The following GPC6 variants were observed in gnomAD, a reference collection of about 807,000 sequenced individuals.
The protein encoded by GPC6 is glypican 6, also known as glypican-6.
In GPC6, 14 loss-of-function variants were observed where a neutral mutation model predicts 55.2. The observed-to-expected ratio is 0.25, with a 90% CI of 0.17 to 0.40. The LOEUF (loss-of-function observed/expected upper bound fraction) is 0.40, where lower values mean the gene tolerates loss of function less well. GPC6 is among the 10% of genes least tolerant of loss of function. The pLI is 1.00. For synonymous variants in GPC6, 278 were observed against 259.6 expected (o/e 1.07, Z -0.68); for missense variants, 641 against 708.5 (o/e 0.90, Z 1.08).
At chr13:94,187,967 A>G (rs1274818900) in intron 4 of GPC6, 1 of 152,136 alleles carries the variant, frequency 6.6e-6, no homozygotes, top group African/African-American at 2.4e-5. Context: ...ATCTCTGCTG[A>G]GCTAAGTAAT....
chr13:93,349,263 T>C (rs1342651924), intron 1 of GPC6, among the ~76,000 whole-genome samples: 1 of 151,858 alleles, frequency 6.6e-6, no homozygotes, highest in Non-Finnish European at 1.5e-5. Flanking sequence ...ATGTTAGCTT[T>C]TTTTTCCCTG....
At chr13:93,455,865 CG>C (rs765093472) in intron 1 of GPC6, among the ~76,000 whole-genome samples, 1 of 152,170 alleles carries the variant, frequency 6.6e-6, no homozygotes. Flanking sequence ...AAGCATCTAC[CG>C]CTTTTCTAAG....
chr13:93,882,328 G>T (rs1239435091), intron 3 of GPC6, among the ~76,000 whole-genome samples: 2 of 151,684 alleles, frequency 1.3e-5, no homozygotes, highest in East Asian at 1.9e-4. Context: ...TGAATTTTGT[G>T]TAGAGACAGG....
At position 94,041,627 on chromosome 13, in the gene GPC6, G is replaced by A. The variant is rs115153445; in HGVS notation, c.877+13733G>A. Among the ~76,000 whole-genome samples, 335 of 151,788 alleles carry A rather than the reference G, an allele frequency of 2.2e-3. 1 individual carries two copies. Among genetic ancestry groups the A allele is most frequent in the Middle Eastern group, 0.01 (3 of 292 alleles). The stretch of plus-strand genomic sequence containing the variant: ...TGAACATACACAATCTTTTCTGGAC[G>A]ATCACTTAAAATGAAACTTTTAGCC... On this transcript the variant is annotated intron_variant, in intron 4 of 8. Transcript: ENST00000377047.
At chr13:93,242,065 T>A (rs190841787) in intron 1 of GPC6, among the ~76,000 whole-genome samples, 5 of 152,332 alleles carry the variant, frequency 3.3e-5, no homozygotes, top group Admixed American at 2.0e-4. Flanking sequence ...ATTTTATTCC[T>A]CTTGATGTGT....
chr13:93,509,740 A>G (rs569064264), intron 1 of GPC6, among the ~76,000 whole-genome samples: 1 of 152,376 alleles, frequency 6.6e-6, no homozygotes, highest in Admixed American at 6.5e-5. Flanking sequence ...CAGCAAAAGT[A>G]GTAAAAGACA....
Position 94,403,293 on chromosome 13 carries a change from G to T in GPC6, c.*76G>T, listed in dbSNP as rs1283554161. 9.7e-7 allele frequency: 1 copy of T among 1,033,452 alleles called. No homozygotes were observed. Among genetic ancestry groups the T allele is most frequent in the African/African-American group, 1.6e-5 (1 of 63,956 alleles). 64.0% of individuals were successfully genotyped at this position (1,033,452 alleles called of 1,614,324 possible). A position where few individuals can be genotyped will look rare whatever the true frequency, so the allele number is the denominator to read the frequency against. ...ACTCACTTCTTTTCTTACACTCTTG[G>T]ACAATGGACCATGCCACAAAAACTT... On this transcript the variant is annotated 3_prime_UTR_variant, in exon 9 of 9. Transcript: ENST00000377047.
chr13:93,969,472 G>A lies in GPC6; in HGVS notation c.712-58257G>A, dbSNP rs558215244. On this transcript the variant is annotated intron_variant, in intron 3 of 8. Coordinates refer to ENST00000377047, the MANE Select transcript of GPC6 (RefSeq NM_005708.5). ...GAGAAAATGCATCCAGTTCCTTGGC[G>A]ATATCACTGAGCTGCAAACCCAAGC... 3.7e-4 allele frequency among the ~76,000 whole-genome samples: 56 copies of A among 152,176 alleles called. 1 individual carries two copies. The highest frequency in any genetic ancestry group is 1.3e-3 in the African/African-American group (54 of 41,514).
Position 94,151,403 on chromosome 13 carries a change from A to G in GPC6, c.877+123509A>G, listed in dbSNP as rs192619054. Among the ~76,000 whole-genome samples, 23 of 152,270 alleles carry G rather than the reference A, an allele frequency of 1.5e-4. 1 individual carries two copies. Among genetic ancestry groups the G allele is most frequent in the Admixed American group, 1.4e-3 (22 of 15,260 alleles). On this transcript the variant is annotated intron_variant, in intron 4 of 8. Coordinates refer to ENST00000377047, the MANE Select transcript of GPC6 (RefSeq NM_005708.5). The stretch of plus-strand genomic sequence containing the variant: ...TTTTATATCTGTCCCCCTTGACACT[A>G]CACTGAGAGCTATGCTGTTGTTATG...
At chr13:93,942,147 C>T (rs145423100) in intron 3 of GPC6, among the ~76,000 whole-genome samples, 3,672 of 152,258 alleles carry the variant, frequency 0.024, 56 homozygotes, top group Middle Eastern at 0.051. Context: ...TAGTAGAAAA[C>T]ATTTCACACA....
At chr13:94,383,789 T>G (rs972690888) in intron 7 of GPC6, among the ~76,000 whole-genome samples, 1 of 152,162 alleles carries the variant, frequency 6.6e-6, no homozygotes, top group Non-Finnish European at 1.5e-5. Flanking sequence ...GAAAGAGGCT[T>G]GATTGACCCA....
At chr13:93,811,700 G>T (rs1439257273) in intron 2 of GPC6, among the ~76,000 whole-genome samples, 1 of 152,066 alleles carries the variant, frequency 6.6e-6, no homozygotes, top group East Asian at 1.9e-4. Context: ...TTTCTGAAAA[G>T]AAGATTGAGA....
At chr13:93,266,349 A>G (rs1877325569) in intron 1 of GPC6, among the ~76,000 whole-genome samples, 1 of 152,198 alleles carries the variant, frequency 6.6e-6, no homozygotes, top group South Asian at 2.1e-4. Context: ...ATTTGCTAAT[A>G]TTCATGGTGG....
At chr13:93,576,912 T>C (rs139828823) in intron 2 of GPC6, among the ~76,000 whole-genome samples, 1 of 152,314 alleles carries the variant, frequency 6.6e-6, no homozygotes, top group East Asian at 1.9e-4. Context: ...TAGAATTTTG[T>C]ATCATGTCTT....
At chr13:94,333,219 G>A (rs927833058) in intron 6 of GPC6, among the ~76,000 whole-genome samples, 5 of 152,144 alleles carry the variant, frequency 3.3e-5, no homozygotes, top group Non-Finnish European at 5.9e-5. Flanking sequence ...TTCTAACTTT[G>A]AAGTTTTAGG....
In GPC6 at chr13:93,227,694, C is replaced by T; in HGVS notation, c.160+78C>T. 2 of 1,181,572 alleles carry T rather than the reference C, an allele frequency of 1.7e-6. No individual in the cohort carries two copies. The highest frequency in any genetic ancestry group is 2.4e-6 in the Non-Finnish European group (2 of 833,466). The allele number at this position is 1,181,572 out of a possible 1,614,324, so 73.2% of individuals were successfully genotyped here. ...CCCACTGGCCGCCCGGCGTCCCCTT[C>T]CTTCCCCCTGTTGCTGAGTTGGTGC... On this transcript the variant is annotated intron_variant, in intron 1 of 8. Coordinates refer to ENST00000377047, the MANE Select transcript of GPC6 (RefSeq NM_005708.5). The surrounding 1 kb of genome is among the most constrained non-coding windows in gnomAD (Gnocchi z 4.3).
intron 3 of GPC6, among the ~76,000 whole-genome samples, chr13:93,962,479 T>C (rs1879829246): frequency 6.6e-6 from 1 of 152,078 alleles, no homozygotes; most frequent in Non-Finnish European, 1.5e-5. Context: ...TACTCCCAGT[T>C]CCTAACCCAG....
At chr13:93,656,134 G>C (rs749944265) in intron 2 of GPC6, among the ~76,000 whole-genome samples, 1 of 152,092 alleles carries the variant, frequency 6.6e-6, no homozygotes, top group Non-Finnish European at 1.5e-5. Context: ...TCATGTTTTA[G>C]AACCTTTAAA....
At chr13:93,830,803 A>G (rs2138981295) in intron 3 of GPC6, 2 of 434,080 alleles carry the variant, frequency 4.6e-6, no homozygotes, top group Non-Finnish European at 8.3e-6. Context: ...TATAGCAGAG[A>G]AGCTTTTAGT....
Sources: gnomAD v4.1 joint callset for allele counts (sites outside exome capture counted in the v4.1 genomes callset) on GRCh38, gnomAD v4.1.1 for gene constraint, Gnocchi (gnomAD v3.1) non-coding constraint, MANE v1.5 for transcripts, NCBI Gene and HGNC (gene_info 2026-07-23, HGNC 2026-07-21) for gene names.